Variants in CDK18 observed in about 807,000 individuals in gnomAD.
The protein encoded by CDK18 is cyclin-dependent kinase 18.
In CDK18, 52 loss-of-function variants were observed where a neutral mutation model predicts 62.0. The ratio of observed to expected loss-of-function variants is 0.84; its 90% CI spans 0.67 to 1.06. The LOEUF (loss-of-function observed/expected upper bound fraction) is 1.06, where lower values mean the gene tolerates loss of function less well. Among genes scored for constraint, CDK18 ranks in the 50% least tolerant of loss-of-function variants. CDK18 has a pLI of 0.00. For synonymous variants in CDK18, 237 were observed against 247.0 expected (o/e 0.96, Z 0.38); for missense variants, 604 against 619.9 (o/e 0.97, Z 0.27).
At chr1:205,530,173 G>T (rs886798312) in intron 13 of CDK18, 86 bp from the exon 14 acceptor site, 8 of 1,582,410 alleles carry the variant, frequency 5.1e-6, no homozygotes, top group Non-Finnish European at 6.0e-6. Flanking sequence ...ACCCACCTTG[G>T]TGCTCTAACC....
At position 205,527,776 on chromosome 1, in the gene CDK18, C is replaced by A. The variant is rs1668512622; in HGVS notation, c.730-18C>A. 2 of 1,613,078 alleles carry A rather than the reference C, an allele frequency of 1.2e-6. No individual in the cohort carries two copies. Among genetic ancestry groups the A allele is most frequent in the African/African-American group, 1.3e-5 (1 of 75,036 alleles). ...CAGGGCCACCTTCCACCCCACATTT[C>A]TCTTCCCCCTCCCCCAGATTTTCAT... On this transcript the variant is annotated intron_variant, in intron 8 of 15. Coordinates refer to ENST00000429964, the MANE Select transcript of CDK18 (RefSeq NM_212502.3). The surrounding 1 kb of genome is among the most constrained non-coding windows in gnomAD (Gnocchi z 4.1).
At chr1:205,520,859 C>G (rs1282399216) in intron 1 of CDK18, among the ~76,000 whole-genome samples, 2 of 152,200 alleles carry the variant, frequency 1.3e-5, no homozygotes, top group Non-Finnish European at 2.9e-5. Context: ...CATGAAGCCT[C>G]CAGATTAGAT....
intron 1 of CDK18, among the ~76,000 whole-genome samples, chr1:205,505,910 C>T (rs71633549): frequency 0.17 from 25,543 of 152,122 alleles, 2,363 homozygotes; most frequent in Middle Eastern, 0.26. Context: ...CACCCCTAGC[C>T]CAGCCCTCGG....
chr1:205,530,416 G>C, intron 14 of CDK18, 67 bp downstream of exon 14: 11 of 1,510,056 alleles, frequency 7.3e-6, no homozygotes, highest in Non-Finnish European at 1.0e-5. Context: ...AGTGTGGGCA[G>C]AAGAACCAGA....
rs749612949 is a variant in CDK18, at chr1:205,523,633, C to T, written c.273+8C>T. Reference sequence around the variant, plus strand: ...CGCCGCTTCTCCATGGAGGTAAGGGCCTCTGGAGCTCTGCCCCGGCAGGTG... The same window carrying T: ...CGCCGCTTCTCCATGGAGGTAAGGGTCTCTGGAGCTCTGCCCCGGCAGGTG... On this transcript the variant is annotated splice_region_variant and intron_variant, in intron 3 of 15. Coordinates refer to ENST00000429964, the MANE Select transcript of CDK18 (RefSeq NM_212502.3). The T allele has an allele frequency of 1.9e-6, 3 of 1,562,684 alleles. No individual in the cohort carries two copies. Among genetic ancestry groups the T allele is most frequent in the Middle Eastern group, 1.7e-4 (1 of 5,998 alleles).
intron 1 of CDK18, among the ~76,000 whole-genome samples, chr1:205,520,624 C>T (rs573750517): frequency 3.6e-4 from 54 of 150,568 alleles, no homozygotes; most frequent in African/African-American, 8.8e-4. Context: ...CGCTTGAGCC[C>T]GGAAGGTGGA....
intron 1 of CDK18, among the ~76,000 whole-genome samples, chr1:205,520,699 C>A (rs1187813863): frequency 2.9e-4 from 40 of 135,692 alleles, no homozygotes; most frequent in South Asian, 9.7e-4. Context: ...GACTCTATCT[C>A]AAAAAAAAAA....
intron 3 of CDK18, 113 bp from the exon 4 acceptor site, chr1:205,524,119 C>T: frequency 7.8e-7 from 1 of 1,286,220 alleles, no homozygotes; most frequent in Non-Finnish European, 1.1e-6. Context: ...TGATTGGGCT[C>T]TGAATGGTTG....
chr1:205,521,148 C>A (rs1245529859), intron 1 of CDK18, among the ~76,000 whole-genome samples: 1 of 152,238 alleles, frequency 6.6e-6, no homozygotes, highest in East Asian at 1.9e-4. Context: ...GGGGACCACC[C>A]TTTACTTGCC....
chr1:205,528,252 G>C lies in CDK18; in HGVS notation c.974+84G>C. The C allele has an allele frequency of 6.6e-7, 1 of 1,513,778 alleles. No homozygotes were observed. The highest frequency in any genetic ancestry group is 9.0e-7 in the Non-Finnish European group (1 of 1,111,530). 93.8% of individuals were successfully genotyped at this position (1,513,778 alleles called of 1,614,324 possible). A position where few individuals can be genotyped will look rare whatever the true frequency, so the allele number is the denominator to read the frequency against. The stretch of plus-strand genomic sequence containing the variant: ...TCTCCTTTGCTTCCCCAAGGGCCTC[G>C]GGGAAGAACTGCCTAACTTCCTTTG... On this transcript the variant is annotated intron_variant, in intron 10 of 15. Coordinates refer to ENST00000429964, the MANE Select transcript of CDK18 (RefSeq NM_212502.3). This position sits in a 1 kb window ranked among gnomAD's most constrained non-coding sequence, Gnocchi z 4.2.
At position 205,531,398 on chromosome 1, in the gene CDK18, G is replaced by A; in HGVS notation, c.*20G>A. ...TTCTGAGCCACGCCCACCTTGCTGT[G>A]GCCAAGGGACAAGAGATCACATGGA... On this transcript the variant is annotated 3_prime_UTR_variant, in exon 16 of 16. Coordinates refer to ENST00000429964, the MANE Select transcript of CDK18 (RefSeq NM_212502.3). 6.2e-7 allele frequency: 1 copy of A among 1,612,510 alleles called. No homozygotes were observed. The highest frequency in any genetic ancestry group is 8.5e-7 in the Non-Finnish European group (1 of 1,178,502).
chr1:205,515,630 C>T (rs2102284073), intron 1 of CDK18, among the ~76,000 whole-genome samples: 1 of 152,298 alleles, frequency 6.6e-6, no homozygotes, highest in East Asian at 1.9e-4. Context: ...CAGGTCACAG[C>T]TACTAAGTGG....
chr1:205,526,509 C>T lies in CDK18; in HGVS notation c.666+48C>T, dbSNP rs757359671. 59 of 1,456,114 alleles carry T rather than the reference C, an allele frequency of 4.1e-5. No homozygotes were observed. The Middle Eastern group carries it at 6.9e-4, about 17-fold the overall frequency. 90.2% of individuals were successfully genotyped at this position (1,456,114 alleles called of 1,614,324 possible). On this transcript the variant is annotated intron_variant, in intron 7 of 15. Transcript: ENST00000429964. ...CCGCCTCTCCCTCTTGTGGTGGAAA[C>T]GGGGTGTGGGTAGGGGAGTGGGAAG...
chr1:205,531,295 C>T (rs756382163), intron 15 of CDK18, 49 bp from the exon 16 acceptor site: 52 of 1,587,392 alleles, frequency 3.3e-5, no homozygotes, highest in Middle Eastern at 1.7e-4. Flanking sequence ...CTGGGGTACC[C>T]GTCAGCCCAG....
In CDK18 at chr1:205,517,250, G is replaced by A. The variant is rs2102288216; in HGVS notation, c.-21-5897G>A. ...GCCCTGCAGTTGTCTAAGTAGGGGG[G>A]ACCCTGCCTCCCTGGCCCTTCTCCC... On this transcript the variant is annotated intron_variant, in intron 1 of 15. Coordinates refer to ENST00000429964, the MANE Select transcript of CDK18 (RefSeq NM_212502.3). The surrounding 1 kb of genome is among the most constrained non-coding windows in gnomAD (Gnocchi z 4.1). Among the ~76,000 whole-genome samples, 1 of 152,296 alleles carries A rather than the reference G, an allele frequency of 6.6e-6. No individual in the cohort carries two copies. Among genetic ancestry groups the A allele is most frequent in the East Asian group, 1.9e-4 (1 of 5,180 alleles).
intron 1 of CDK18, among the ~76,000 whole-genome samples, chr1:205,519,692 TC>T (rs1366302067): frequency 6.6e-6 from 1 of 152,054 alleles, no homozygotes; most frequent in East Asian, 1.9e-4. Context: ...CCCACTGTCC[TC>T]CCCACCCCAG....
intron 1 of CDK18, among the ~76,000 whole-genome samples, chr1:205,514,246 C>G (rs1042888071): frequency 3.3e-5 from 5 of 152,208 alleles, no homozygotes; most frequent in African/African-American, 1.2e-4. Flanking sequence ...AGAGGAGATG[C>G]AGAGGTCCCC....
In CDK18 at chr1:205,528,339, A is replaced by C. The variant is rs74142374; in HGVS notation, c.974+171A>C. Among the ~76,000 whole-genome samples, 1 of 151,908 alleles carries C rather than the reference A, an allele frequency of 6.6e-6. No homozygotes were observed. Among genetic ancestry groups the C allele is most frequent in the African/African-American group, 2.4e-5 (1 of 41,294 alleles). The stretch of plus-strand genomic sequence containing the variant: ...TAAAAAATTAGGTCTGAAATATAAT[A>C]GGTTAGGGTTTCCCTGGCTTAAATA... On this transcript the variant is annotated intron_variant, in intron 10 of 15. Transcript: ENST00000429964. The surrounding 1 kb of genome is among the most constrained non-coding windows in gnomAD (Gnocchi z 4.2).
intron 3 of CDK18, among the ~76,000 whole-genome samples, chr1:205,523,907 T>C (rs899979352): frequency 1.3e-5 from 2 of 152,230 alleles, no homozygotes; most frequent in Non-Finnish European, 2.9e-5. Flanking sequence ...TCCACACACA[T>C]ATGCCCAAGT....
Sources: allele counts gnomAD v4.1 joint callset (sites outside exome capture counted in the v4.1 genomes callset), GRCh38; gene constraint gnomAD v4.1.1; non-coding constraint Gnocchi (gnomAD v3.1); transcripts MANE v1.5; gene names NCBI Gene and HGNC (gene_info 2026-07-23, HGNC 2026-07-21).